FOXO1: variants seen among roughly 807,000 people sequenced by gnomAD.
FOXO1 encodes forkhead box protein O1.
A neutral mutation model predicts 44.1 loss-of-function variants in FOXO1; 6 were observed. The ratio of observed to expected loss-of-function variants is 0.14; its 90% CI spans 0.07 to 0.27. The LOEUF is 0.27. Among genes scored for constraint, FOXO1 ranks in the 10% least tolerant of loss-of-function variants. The probability of loss-of-function intolerance (pLI) is 1.00; values close to 1 mark genes in which losing one functional copy is unlikely to be tolerated. For synonymous variants in FOXO1, 380 were observed against 362.7 expected, an observed-to-expected ratio of 1.05 and a Z score of -0.54; for missense variants, 737 against 888.8, an observed-to-expected ratio of 0.83 and a Z score of 2.17.
chr13:40,623,647 T>G (rs1393756883), intron 1 of FOXO1, among the ~76,000 whole-genome samples: 1 of 152,122 alleles, frequency 6.6e-6, no homozygotes, highest in Admixed American at 6.6e-5. Context: ...AATGTACAAT[T>G]TCCAGATCAC....
At chr13:40,589,613 T>G (rs911428238) in intron 1 of FOXO1, among the ~76,000 whole-genome samples, 1 of 152,228 alleles carries the variant, frequency 6.6e-6, no homozygotes, top group African/African-American at 2.4e-5. Context: ...ACCACTAACA[T>G]AAGTCAAATA....
intron 1 of FOXO1, among the ~76,000 whole-genome samples, chr13:40,570,319 A>C (rs919106580): frequency 7.2e-5 from 11 of 151,902 alleles, no homozygotes; most frequent in African/African-American, 2.7e-4. Context: ...CAAAAAAAAA[A>C]ATAAAATAAA....
chr13:40,613,515 G>A (rs1876308935), intron 1 of FOXO1, among the ~76,000 whole-genome samples: 2 of 152,144 alleles, frequency 1.3e-5, no homozygotes, highest in Non-Finnish European at 2.9e-5. Context: ...CCCACACCAA[G>A]AGCAGCTCCG....
intron 1 of FOXO1, among the ~76,000 whole-genome samples, chr13:40,659,085 G>C (rs1239204667): frequency 6.6e-6 from 1 of 152,042 alleles, no homozygotes; most frequent in African/African-American, 2.4e-5. Context: ...CAGCACTTTA[G>C]GTGGGCAGAT....
chr13:40,639,873 A>G (rs969644188), intron 1 of FOXO1, among the ~76,000 whole-genome samples: 2 of 152,272 alleles, frequency 1.3e-5, no homozygotes, highest in African/African-American at 2.4e-5. Flanking sequence ...AAAACGACTG[A>G]GAACGGGAGA....
chr13:40,611,300 G>A (rs1675035770), intron 1 of FOXO1, among the ~76,000 whole-genome samples: 1 of 152,164 alleles, frequency 6.6e-6, no homozygotes, highest in Non-Finnish European at 1.5e-5. Flanking sequence ...TACCCCTATG[G>A]TGGGTTCAGA....
intron 1 of FOXO1, among the ~76,000 whole-genome samples, chr13:40,582,415 AT>A (rs1481594354): frequency 6.6e-6 from 1 of 152,136 alleles, no homozygotes; most frequent in African/African-American, 2.4e-5. Flanking sequence ...ACACAATTAA[AT>A]TTGCCTGATT....
At chr13:40,639,209 A>G (rs192528229) in intron 1 of FOXO1, among the ~76,000 whole-genome samples, 1 of 152,154 alleles carries the variant, frequency 6.6e-6, no homozygotes, top group Admixed American at 6.5e-5. Flanking sequence ...TTAAAAAAAA[A>G]AACAACAACA....
intron 1 of FOXO1, among the ~76,000 whole-genome samples, chr13:40,650,960 A>G (rs9577088): frequency 0.41 from 62,998 of 151,906 alleles, 14,348 homozygotes; most frequent in East Asian, 0.75. Flanking sequence ...TCACCACGTT[A>G]GCCAGGCTGA....
chr13:40,666,449 G>A lies in FOXO1; in HGVS notation c.-237C>T, dbSNP rs940868479. On this transcript the variant is annotated 5_prime_UTR_variant, in exon 1 of 3. Transcript: ENST00000379561. Reference sequence around the variant, plus strand: ...TCGGGGTCCGCCGCACGGACTGGACGGCCGGCCAGAGCCGCCGGGCCGGGG... The same window carrying A: ...TCGGGGTCCGCCGCACGGACTGGACAGCCGGCCAGAGCCGCCGGGCCGGGG... 22 of 386,702 alleles carry A rather than the reference G, an allele frequency of 5.7e-5. No individual in the cohort carries two copies. Among genetic ancestry groups the A allele is most frequent in the African/African-American group, 3.5e-4 (17 of 48,306 alleles). The allele number at this position is 386,702 out of a possible 1,614,324, so 24.0% of individuals were successfully genotyped here. A position where few individuals can be genotyped will look rare whatever the true frequency, so the allele number is the denominator to read the frequency against.
At chr13:40,634,429 T>C (rs1877073486) in intron 1 of FOXO1, among the ~76,000 whole-genome samples, 2 of 152,192 alleles carry the variant, frequency 1.3e-5, no homozygotes, top group Non-Finnish European at 2.9e-5. Flanking sequence ...CCTAAGAAGC[T>C]GCAGAATACA....
chr13:40,591,510 C>G (rs948867873), intron 1 of FOXO1, among the ~76,000 whole-genome samples: 1 of 152,074 alleles, frequency 6.6e-6, no homozygotes, highest in Non-Finnish European at 1.5e-5. Context: ...AAACCTGGTG[C>G]CATACTTACT....
At chr13:40,664,807 ACGCCACCGCCACCGCCAC>A (rs571800667) in intron 1 of FOXO1, among the ~76,000 whole-genome samples, 55 of 149,664 alleles carry the variant, frequency 3.7e-4, no homozygotes, top group African/African-American at 1.3e-3. Context: ...GGCCCCTCCC[ACGCCACCGCCACCGCCAC>A]CGCCACCGCC....
intron 1 of FOXO1, among the ~76,000 whole-genome samples, chr13:40,617,240 G>C (rs1431463081): frequency 6.6e-6 from 1 of 152,212 alleles, no homozygotes; most frequent in Admixed American, 6.5e-5. Context: ...GAGGTCAGGA[G>C]TTCGAGACCA....
In FOXO1 at chr13:40,560,500, T is replaced by C; in HGVS notation, c.991A>G (p.Ile331Val). Reference sequence around the variant, plus strand: ...CCAAGATCATCCTGTTCGGTCATAATGGGTGAGAGTCTCCCACTAATAGTA... The same window carrying C: ...CCAAGATCATCCTGTTCGGTCATAACGGGTGAGAGTCTCCCACTAATAGTA... ...ASTISGRLSP[I>V]MTEQDDLGEG... Residue 331 changes from isoleucine (I) to valine (V), a missense_variant, in exon 2 of 3, where the codon ATT (isoleucine) becomes GTT (valine). Ile to Val is a conservative substitution (Grantham distance 29, BLOSUM62 3). Coordinates refer to ENST00000379561, the MANE Select transcript of FOXO1 (RefSeq NM_002015.4). This position sits in a 1 kb window ranked among gnomAD's most constrained non-coding sequence, Gnocchi z 5.1. 1 of 1,614,198 alleles carries C rather than the reference T, an allele frequency of 6.2e-7. No homozygotes were observed. Among genetic ancestry groups the C allele is most frequent in the Non-Finnish European group, 8.5e-7 (1 of 1,180,036 alleles).
intron 1 of FOXO1, among the ~76,000 whole-genome samples, chr13:40,657,630 G>C (rs1389634230): frequency 6.6e-6 from 1 of 152,130 alleles, no homozygotes; most frequent in Admixed American, 6.6e-5. Flanking sequence ...CACTGTGCCA[G>C]GCCCAATCTC....
At chr13:40,575,072 C>T (rs1028411534) in intron 1 of FOXO1, among the ~76,000 whole-genome samples, 6 of 151,970 alleles carry the variant, frequency 3.9e-5, no homozygotes, top group Non-Finnish European at 8.8e-5. Context: ...TGGCTCACAC[C>T]GGTAATCCCA....
intron 1 of FOXO1, among the ~76,000 whole-genome samples, chr13:40,591,053 T>A (rs1875351541): frequency 6.6e-6 from 1 of 152,066 alleles, no homozygotes; most frequent in Non-Finnish European, 1.5e-5. Flanking sequence ...GAGGACCCCT[T>A]TATACCAAAG....
rs1453638548 is a variant in FOXO1 at position 40,666,332 on chromosome 13, C to A, written c.-120G>T. 2.5e-6 allele frequency: 2 copies of A among 796,318 alleles called. No individual in the cohort carries two copies. The highest frequency in any genetic ancestry group is 3.5e-6 in the Non-Finnish European group (2 of 566,966). 49.3% of individuals were successfully genotyped at this position (796,318 alleles called of 1,614,324 possible). On this transcript the variant is annotated 5_prime_UTR_variant, in exon 1 of 3. Transcript: ENST00000379561. Reference sequence around the variant, plus strand: ...GAGATTTGGGGGAACGAAGCCGGTGCGGCGAGCGGACGGAAACTGGGAGGA... The same window carrying A: ...GAGATTTGGGGGAACGAAGCCGGTGAGGCGAGCGGACGGAAACTGGGAGGA...
Sources: allele counts gnomAD v4.1 joint callset (sites outside exome capture counted in the v4.1 genomes callset), GRCh38; gene constraint gnomAD v4.1.1; non-coding constraint Gnocchi (gnomAD v3.1); transcripts MANE v1.5; gene names NCBI Gene and HGNC (gene_info 2026-07-23, HGNC 2026-07-21).